The following PMF1 variants were observed in gnomAD, a reference collection of about 807,000 sequenced individuals.
PMF1 encodes the protein polyamine modulated factor 1, also known as polyamine-modulated factor 1.
Under a neutral mutation model 26.7 loss-of-function variants are expected in PMF1, and 21 were observed. The ratio of observed to expected loss-of-function variants is 0.79; its 90% CI spans 0.56 to 1.13. PMF1 has a LOEUF of 1.13. Among genes scored for constraint, PMF1 ranks in the 50% most tolerant of loss-of-function variants. PMF1 has a pLI of 0.00. For synonymous variants in PMF1, 105 were observed against 101.0 expected (o/e 1.04, Z -0.24); for missense variants, 266 against 254.9 (o/e 1.04, Z -0.30).
intron 1 of PMF1, chr1:156,223,855 A>G (rs934041106): frequency 6.6e-6 from 1 of 152,168 alleles, no homozygotes; most frequent in Non-Finnish European, 1.5e-5. Flanking sequence ...CCAAAGGTTG[A>G]TCTGCAGTCC....
At chr1:156,238,812 C>T (rs1312749315) in intron 4 of PMF1, among the ~76,000 whole-genome samples, 4 of 152,162 alleles carry the variant, frequency 2.6e-5, no homozygotes, top group South Asian at 4.1e-4. Context: ...TCCCCACTCC[C>T]TCTGCTCTCC....
intron 4 of PMF1, chr1:156,236,777 T>G (rs963968035): frequency 2.3e-6 from 1 of 429,024 alleles, no homozygotes; most frequent in Admixed American, 3.7e-5. Context: ...TAACAGCGCC[T>G]CCACATCAGA....
intron 1 of PMF1, among the ~76,000 whole-genome samples, chr1:156,218,274 C>T (rs1201593381): frequency 6.6e-6 from 1 of 152,122 alleles, no homozygotes; most frequent in Non-Finnish European, 1.5e-5. Context: ...AAGGAAATAT[C>T]TATTGGGTGA....
chr1:156,233,605 G>A (rs1256451462), intron 2 of PMF1, 23 bp from the exon 3 acceptor site: 1 of 1,611,520 alleles, frequency 6.2e-7, no homozygotes, highest in East Asian at 2.2e-5. Flanking sequence ...TGTCATTACA[G>A]CTCTTTCCTC....
intron 1 of PMF1, among the ~76,000 whole-genome samples, chr1:156,225,282 C>CAT (rs1658296918): frequency 1.4e-5 from 1 of 71,664 alleles, no homozygotes; most frequent in Non-Finnish European, 2.6e-5. Context: ...CAGTCCTCAG[C>CAT]TTTTTTTTTT....
chr1:156,229,617 C>G (rs1435431979), intron 1 of PMF1, among the ~76,000 whole-genome samples: 1 of 151,130 alleles, frequency 6.6e-6, no homozygotes, highest in Non-Finnish European at 1.5e-5. Flanking sequence ...GTTGCCCAGG[C>G]TGGAGTGCAA....
chr1:156,238,933 T>A (rs1659194170), intron 4 of PMF1, among the ~76,000 whole-genome samples: 1 of 150,610 alleles, frequency 6.6e-6, no homozygotes, highest in East Asian at 2.0e-4. Flanking sequence ...CCGAGTTGTG[T>A]CTTGGGCACT....
At chr1:156,224,128 G>A (rs980901189) in intron 1 of PMF1, among the ~76,000 whole-genome samples, 1 of 152,082 alleles carries the variant, frequency 6.6e-6, no homozygotes, top group African/African-American at 2.4e-5. Flanking sequence ...TAGTCCAAGA[G>A]ACCAAATAAC....
chr1:156,236,429 G>A lies in PMF1; in HGVS notation c.510G>A (p.Arg170=), dbSNP rs779578086. Reference sequence around the variant, plus strand: ...TGGCAGATGCCGTCCTGGCAGGGCGGAGGCAGGTGGAGGAGCTGCAGCTAC... The same window carrying A: ...TGGCAGATGCCGTCCTGGCAGGGCGAAGGCAGGTGGAGGAGCTGCAGCTAC... ...QQLADAVLAG[R]RQVEELQLQV... is the part of the protein sequence containing the mutation. The change falls in exon 4 of 5, where the codon CGG becomes CGA. Residue 170 remains arginine, a synonymous_variant. Transcript: ENST00000368277. 6.2e-7 allele frequency: 1 copy of A among 1,614,118 alleles called. No homozygotes were observed. The highest frequency in any genetic ancestry group is 8.5e-7 in the Non-Finnish European group (1 of 1,179,978).
chr1:156,228,201 C>T (rs1193348068), intron 1 of PMF1, among the ~76,000 whole-genome samples: 1 of 150,432 alleles, frequency 6.6e-6, no homozygotes, highest in Admixed American at 6.6e-5. Context: ...GGTGATCTGC[C>T]CGCCTCGGCC....
At chr1:156,221,866 C>T (rs1658099253) in intron 1 of PMF1, among the ~76,000 whole-genome samples, 2 of 152,162 alleles carry the variant, frequency 1.3e-5, no homozygotes, top group South Asian at 4.1e-4. Context: ...CATTCAACTG[C>T]CCACCCCTGT....
intron 1 of PMF1, among the ~76,000 whole-genome samples, chr1:156,228,288 T>TTTTTTTTTTTTTC (rs1371074585): frequency 5.6e-5 from 8 of 143,792 alleles, no homozygotes; most frequent in Non-Finnish European, 1.1e-4. Flanking sequence ...TTTTTTTTTT[T>TTTTTTTTTTTTTC]AGTGTATCAC....
intron 1 of PMF1, among the ~76,000 whole-genome samples, chr1:156,216,566 G>A (rs1657718389): frequency 6.6e-6 from 1 of 151,964 alleles, no homozygotes; most frequent in African/African-American, 2.4e-5. Flanking sequence ...GCTGGGGCCC[G>A]CGGGCCTGCT....
intron 1 of PMF1, chr1:156,224,076 A>T (rs1658225874): frequency 6.6e-6 from 1 of 152,250 alleles, no homozygotes; most frequent in Non-Finnish European, 1.5e-5. Flanking sequence ...AAGTTTTCCC[A>T]GCAGTTTTCA....
Position 156,213,077 on chromosome 1 carries a change from C to T in PMF1, c.62C>T (p.Ser21Leu), listed in dbSNP as rs764581905. 3.0e-5 allele frequency: 49 copies of T among 1,614,234 alleles called. No homozygotes were observed. The East Asian group carries it at 1.0e-3, about 34-fold the overall frequency. The change falls in exon 1 of 5, where the codon TCG (serine) becomes TTG (leucine). Residue 21 changes from serine to leucine, a missense_variant. Coordinates refer to ENST00000368277, the MANE Select transcript of PMF1 (RefSeq NM_007221.4). Reference sequence around the variant, plus strand: ...TGTGAGGAAAAAAGGCATGAGGGGTCGTCTTCGGAATCTGTGCCACCCGGC... The same window carrying T: ...TGTGAGGAAAAAAGGCATGAGGGGTTGTCTTCGGAATCTGTGCCACCCGGC... ...SGCEEKRHEG[S>L]SSESVPPGTT...
intron 1 of PMF1, among the ~76,000 whole-genome samples, chr1:156,229,794 A>G (rs1658592530): frequency 6.6e-6 from 1 of 152,092 alleles, no homozygotes; most frequent in Non-Finnish European, 1.5e-5. Context: ...GCTGGTCCCG[A>G]ACTCCCAACG....
intron 3 of PMF1, among the ~76,000 whole-genome samples, chr1:156,236,066 G>A (rs952400751): frequency 2.0e-5 from 3 of 152,204 alleles, no homozygotes; most frequent in South Asian, 2.1e-4. Flanking sequence ...AAGTGAGAAG[G>A]GGGAGAGGTG....
In PMF1 at chr1:156,213,026, C is replaced by G; in HGVS notation, c.11C>G (p.Ala4Gly). The G allele has an allele frequency of 6.2e-7, 1 of 1,614,192 alleles. No individual in the cohort carries two copies. Among genetic ancestry groups the G allele is most frequent in the African/African-American group, 1.3e-5 (1 of 75,058 alleles). MAE[A>G]SSANLGSGCE... ...AGGTTCAACTTCAACATGGCCGAAG[C>G]AAGTAGCGCCAATCTAGGCAGCGGC... The change falls in exon 1 of 5, where the codon GCA becomes GGA. Residue 4 changes from alanine to glycine, a missense_variant. Physicochemically the swap from Ala to Gly is moderately conservative, Grantham distance 60. Transcript: ENST00000368277.
chr1:156,231,057 A>G (rs925896637), intron 1 of PMF1, among the ~76,000 whole-genome samples: 11 of 151,892 alleles, frequency 7.2e-5, no homozygotes, highest in African/African-American at 2.7e-4. Context: ...TCTACTAAAA[A>G]TACAGAAAAA....
Sources: gnomAD v4.1 joint callset for allele counts (sites outside exome capture counted in the v4.1 genomes callset) on GRCh38, gnomAD v4.1.1 for gene constraint, MANE v1.5 for transcripts, NCBI Gene and HGNC (gene_info 2026-07-23, HGNC 2026-07-21) for gene names.